The following ATP8A2 variants were observed in gnomAD, a reference collection of about 807,000 sequenced individuals.
ATP8A2 encodes the protein ATPase phospholipid transporting 8A2.
In ATP8A2, 100 loss-of-function variants were observed where a neutral mutation model predicts 165.6. That is an observed-to-expected ratio of 0.60 (90% CI 0.51 to 0.71). The LOEUF (loss-of-function observed/expected upper bound fraction) is 0.71. ATP8A2 is among the 30% of genes least tolerant of loss of function. ATP8A2 has a pLI of 0.00. For synonymous variants in ATP8A2, 543 were observed against 548.8 expected (o/e 0.99, Z 0.15); for missense variants, 1,227 against 1,479.5 (o/e 0.83, Z 2.80).
At chr13:25,596,668 T>TA (rs1266100581) in intron 24 of ATP8A2, among the ~76,000 whole-genome samples, 7 of 152,342 alleles carry the variant, frequency 4.6e-5, no homozygotes, top group Non-Finnish European at 1.5e-5. Context: ...GTTCACCTGT[T>TA]ACAGGACATT....
intron 16 of ATP8A2, among the ~76,000 whole-genome samples, chr13:25,568,226 C>A (rs1044269218): frequency 6.6e-6 from 1 of 152,134 alleles, no homozygotes; most frequent in South Asian, 2.1e-4. Context: ...TATGCAACCC[C>A]CTGCTTACAT....
intron 24 of ATP8A2, among the ~76,000 whole-genome samples, chr13:25,676,496 T>G (rs2042374890): frequency 6.6e-6 from 1 of 152,114 alleles, no homozygotes; most frequent in Non-Finnish European, 1.5e-5. Flanking sequence ...GAACTCTGCC[T>G]CAGGACATTG....
chr13:25,777,092 C>A lies in ATP8A2; in HGVS notation c.2679+2133C>A, dbSNP rs375013592. On this transcript the variant is annotated intron_variant, in intron 27 of 36. Transcript: ENST00000381655. ...ATGCGTGCCTCAAATTAATATATTT[C>A]AATTGTAGCTGAGCAGCAGTTGTTA... 4.6e-5 allele frequency among the ~76,000 whole-genome samples: 7 copies of A among 152,196 alleles called. No individual in the cohort carries two copies. In the South Asian group the frequency reaches 8.3e-4, roughly 18 times the overall value.
chr13:25,461,516 G>A (rs2035501828), intron 1 of ATP8A2, among the ~76,000 whole-genome samples: 2 of 152,260 alleles, frequency 1.3e-5, no homozygotes, highest in South Asian at 4.1e-4. Context: ...ATGTTACGAA[G>A]GCTTTGTAAT....
intron 1 of ATP8A2, among the ~76,000 whole-genome samples, chr13:25,397,912 G>C (rs2033484661): frequency 6.6e-6 from 1 of 152,194 alleles, no homozygotes; most frequent in Non-Finnish European, 1.5e-5. Flanking sequence ...AAAGAGTTCA[G>C]CTTCACCTGA....
At chr13:25,975,582 G>GA (rs56767162) in intron 35 of ATP8A2, among the ~76,000 whole-genome samples, 128 of 144,688 alleles carry the variant, frequency 8.8e-4, no homozygotes, top group African/African-American at 2.4e-3. Context: ...ACTCCATCTC[G>GA]AAAAAAAAAA....
intron 1 of ATP8A2, among the ~76,000 whole-genome samples, chr13:25,399,822 CTCT>C (rs768001402): frequency 6.7e-6 from 1 of 148,784 alleles, no homozygotes; most frequent in African/African-American, 2.5e-5. Flanking sequence ...CCTACTCTTC[CTCT>C]TCTTCTCTTT....
At chr13:25,856,471 A>G (rs1952169337) in intron 30 of ATP8A2, among the ~76,000 whole-genome samples, 1 of 152,178 alleles carries the variant, frequency 6.6e-6, no homozygotes, top group Non-Finnish European at 1.5e-5. Context: ...GGAGACACTA[A>G]AAGCCTAGAC....
At chr13:25,542,780 C>A (rs1186930380) in intron 9 of ATP8A2, among the ~76,000 whole-genome samples, 1 of 152,088 alleles carries the variant, frequency 6.6e-6, no homozygotes, top group African/African-American at 2.4e-5. Flanking sequence ...ATACTATGGG[C>A]TCCCCATTCT....
rs9742643 is a variant in ATP8A2, at chr13:25,553,958, T to C, written c.1185+38T>C. ...GCAGAGTTGAATCACTATTTTCCAA[T>C]GCTATTTCAGAGCCTTTGGCATTTA... On this transcript the variant is annotated intron_variant, in intron 12 of 36. Coordinates refer to ENST00000381655, the MANE Select transcript of ATP8A2 (RefSeq NM_016529.6). The C allele has an allele frequency of 0.15, 243,068 of 1,584,252 alleles. 20,537 individuals carry two copies. Among genetic ancestry groups the C allele is most frequent in the Non-Finnish European group, 0.18 (206,446 of 1,163,988 alleles).
intron 17 of ATP8A2, 44 bp downstream of exon 17, chr13:25,570,916 A>G: frequency 7.1e-7 from 1 of 1,400,734 alleles, no homozygotes; most frequent in Non-Finnish European, 1.0e-6. Context: ...CCTTCTCAGG[A>G]CACCTGGGTG....
intron 1 of ATP8A2, among the ~76,000 whole-genome samples, chr13:25,467,196 A>G (rs1476591104): frequency 6.6e-6 from 1 of 152,176 alleles, no homozygotes; most frequent in Non-Finnish European, 1.5e-5. Flanking sequence ...AGTGAGGAAT[A>G]GCCAGGGTGC....
chr13:25,532,122 C>T (rs2038133481), intron 4 of ATP8A2, 150 bp from the exon 5 acceptor site: 2 of 674,270 alleles, frequency 3.0e-6, no homozygotes, highest in African/African-American at 3.7e-5. Context: ...GCTGATAGAT[C>T]ACAAAATTGT....
intron 1 of ATP8A2, among the ~76,000 whole-genome samples, chr13:25,374,110 T>C (rs1458154351): frequency 2.0e-5 from 3 of 151,758 alleles, no homozygotes; most frequent in Non-Finnish European, 4.4e-5. Context: ...CATTTTGAGG[T>C]TAGGGAGATG....
intron 33 of ATP8A2, among the ~76,000 whole-genome samples, chr13:25,951,612 G>C (rs1955363398): frequency 6.6e-6 from 1 of 152,124 alleles, no homozygotes; most frequent in Admixed American, 6.6e-5. Context: ...GTGCATTTTA[G>C]CATATTTAAA....
At chr13:25,988,728 TA>T (rs1956321631) in intron 35 of ATP8A2, among the ~76,000 whole-genome samples, 1 of 152,288 alleles carries the variant, frequency 6.6e-6, no homozygotes, top group Admixed American at 6.5e-5. Flanking sequence ...AAGAAAGGAA[TA>T]AAGAGCTATA....
chr13:25,763,236 A>T (rs2044420469), intron 25 of ATP8A2, among the ~76,000 whole-genome samples: 1 of 152,042 alleles, frequency 6.6e-6, no homozygotes, highest in African/African-American at 2.4e-5. Flanking sequence ...CTCTGTCAGC[A>T]CTCACCTTGC....
At chr13:25,847,164 G>A (rs545406100) in intron 30 of ATP8A2, among the ~76,000 whole-genome samples, 2 of 152,290 alleles carry the variant, frequency 1.3e-5, no homozygotes, top group East Asian at 3.9e-4. Context: ...GAAGTTAGTG[G>A]AACTTGCTCC....
intron 1 of ATP8A2, among the ~76,000 whole-genome samples, chr13:25,447,614 G>A (rs2035105318): frequency 6.6e-6 from 1 of 152,176 alleles, no homozygotes; most frequent in South Asian, 2.1e-4. Flanking sequence ...AGCACCAGAG[G>A]GCGTGTGTTA....
Sources: gnomAD v4.1 joint callset for allele counts (sites outside exome capture counted in the v4.1 genomes callset) on GRCh38, gnomAD v4.1.1 for gene constraint, MANE v1.5 for transcripts, NCBI Gene and HGNC (gene_info 2026-07-23, HGNC 2026-07-21) for gene names.